Variants in DDX27 observed in about 807,000 individuals in gnomAD.
DDX27 encodes probable ATP-dependent RNA helicase DDX27.
Under a neutral mutation model 99.3 loss-of-function variants are expected in DDX27, and 42 were observed. The ratio of observed to expected loss-of-function variants is 0.42; its 90% CI spans 0.33 to 0.55. The LOEUF is 0.55. DDX27 is among the 20% of genes least tolerant of loss of function. DDX27 has a pLI of 0.07. For synonymous variants in DDX27, 329 were observed against 353.8 expected, an observed-to-expected ratio of 0.93 and a Z score of 0.79; for missense variants, 798 against 976.8, an observed-to-expected ratio of 0.82 and a Z score of 2.44.
chr20:49,239,178 G>T, intron 15 of DDX27, 58 bp from the exon 16 acceptor site: 1 of 1,570,836 alleles, frequency 6.4e-7, no homozygotes, highest in Non-Finnish European at 8.8e-7. Flanking sequence ...GCAGCCCGTG[G>T]CTTCCTGTGT....
chr20:49,221,295 G>A (rs1979672110), intron 1 of DDX27, among the ~76,000 whole-genome samples, 157 bp from the exon 2 acceptor site: 1 of 152,052 alleles, frequency 6.6e-6, no homozygotes. Flanking sequence ...GTTTCATCAT[G>A]TTGGTCAGGC....
chr20:49,225,285 C>A, intron 6 of DDX27, 86 bp downstream of exon 6: 2 of 1,142,512 alleles, frequency 1.8e-6, no homozygotes, highest in South Asian at 1.2e-5. Context: ...TGGCATCAAG[C>A]AATCCTCTTG....
rs947553975 is a variant in DDX27, at chr20:49,236,922, T to A, written c.1687+412T>A. Among the ~76,000 whole-genome samples, 2 of 152,190 alleles carry A rather than the reference T, an allele frequency of 1.3e-5. No individual in the cohort carries two copies. The highest frequency in any genetic ancestry group is 4.1e-4 in the South Asian group (2 of 4,834). ...CTCTTTAAAGTCTTTTTTTGTTTTGTTTTGTTCTTGAATTCCTAGGCTCAA... is the reference window on the plus strand; with the variant it reads ...CTCTTTAAAGTCTTTTTTTGTTTTGATTTGTTCTTGAATTCCTAGGCTCAA... On this transcript the variant is annotated intron_variant, in intron 14 of 20. Coordinates refer to ENST00000618172, the MANE Select transcript of DDX27 (RefSeq NM_017895.8). The surrounding 1 kb of genome is among the most constrained non-coding windows in gnomAD (Gnocchi z 4.1).
rs766714372 is a variant in DDX27, at chr20:49,241,966, C to CA, written c.1979dup (p.Glu662GlyfsTer11). 5.6e-6 allele frequency: 9 copies of CA among 1,604,892 alleles called. No individual in the cohort carries two copies. Among genetic ancestry groups the CA allele is most frequent in the African/African-American group, 1.4e-5 (1 of 74,064 alleles). On this transcript the variant is annotated frameshift_variant, in exon 17 of 21. Transcript: ENST00000618172. LOFTEE classifies it high-confidence loss of function. ...AAAGGAAGAAGTTTATGAAGGATGC[C>CA]AAAAAAAAGGGGGAGATGACAGTGA...
intron 7 of DDX27, among the ~76,000 whole-genome samples, chr20:49,228,415 C>T (rs1023316617): frequency 6.7e-6 from 1 of 149,436 alleles, no homozygotes; most frequent in African/African-American, 2.5e-5. Flanking sequence ...GGATTACAGG[C>T]TCCCGCCACC....
chr20:49,238,958 T>C lies in DDX27; in HGVS notation c.1697T>C (p.Leu566Pro). The C allele has an allele frequency of 6.2e-7, 1 of 1,613,724 alleles. No individual in the cohort carries two copies. The highest frequency in any genetic ancestry group is 1.7e-4 in the Middle Eastern group (1 of 6,060). ...ATTTTCTCCCATTGAGATGTCATCC[T>C]CAAATTCCGGGACAAGATTGAGAAA... Reference protein sequence around the residue: ...KARILPQDVILKFRDKIEKME... With the variant: ...KARILPQDVIPKFRDKIEKME... The change falls in exon 15 of 21, where the codon CTC (leucine) becomes CCC (proline). Residue 566 changes from leucine (L) to proline (P), a missense_variant. By Grantham distance (98) the Leu-to-Pro change is moderately conservative. This residue lies in a region of DDX27 where 553 missense variants were observed against 727.9 expected (regional missense o/e 0.76). Transcript: ENST00000618172.
intron 8 of DDX27, among the ~76,000 whole-genome samples, 164 bp downstream of exon 8, chr20:49,229,052 TGAGACG>T (rs1980004821): frequency 1.2e-5 from 1 of 85,690 alleles, no homozygotes; most frequent in Non-Finnish European, 2.5e-5. Context: ...TTTTTTTTTT[TGAGACG>T]GAGGAGTCTC....
At chr20:49,231,900 T>C (rs1381697984) in intron 9 of DDX27, among the ~76,000 whole-genome samples, 4 of 151,326 alleles carry the variant, frequency 2.6e-5, no homozygotes, top group African/African-American at 9.7e-5. Context: ...TTTTTTTTTT[T>C]TGAGTCAGGG....
intron 2 of DDX27, 22 bp downstream of exon 2, chr20:49,221,620 A>G: frequency 1.3e-6 from 2 of 1,562,994 alleles, no homozygotes; most frequent in Non-Finnish European, 1.7e-6. Flanking sequence ...AGTGATGGAC[A>G]GCTCCAGACT....
rs369210045 is a variant in DDX27, at chr20:49,242,688, T to C, written c.2204+7T>C. 182 of 1,610,188 alleles carry C rather than the reference T, an allele frequency of 1.1e-4. No individual in the cohort carries two copies. The African/African-American group carries it at 2.2e-3, about 20-fold the overall frequency. On this transcript the variant is annotated splice_region_variant and intron_variant, in intron 19 of 20. Transcript: ENST00000618172. ...TGAAACAGTATCGAGCTGGGTAGGA[T>C]TTTAAGTCATCATGGAGCCCTTGGT...
chr20:49,226,576 C>G (rs199510755), intron 7 of DDX27, 41 bp downstream of exon 7: 1 of 1,498,744 alleles, frequency 6.7e-7, no homozygotes, highest in Admixed American at 1.7e-5. Flanking sequence ...AAGGGTGTTA[C>G]GGCCAGGGCT....
chr20:49,233,808 G>A (rs147675656), intron 11 of DDX27, 99 bp downstream of exon 11: 86 of 1,384,734 alleles, frequency 6.2e-5, no homozygotes, highest in Non-Finnish European at 8.4e-5. Context: ...CGCCTCTGCC[G>A]TCCAGTCTTC....
In DDX27 at chr20:49,236,044, CTA is replaced by C. The variant is rs1228248495; in HGVS notation, c.1428-104_1428-103del. On this transcript the variant is annotated intron_variant, in intron 12 of 20. Transcript: ENST00000618172. The surrounding 1 kb of genome is among the most constrained non-coding windows in gnomAD (Gnocchi z 4.1). ...AGGCGTGAGCCACCGTGCCCAGCCT[CTA>C]TCCCCATTTTAATGCCCTGTTCTGT... The C allele has an allele frequency of 3.6e-6, 4 of 1,124,148 alleles. No individual in the cohort carries two copies. In the East Asian group the frequency reaches 7.4e-5, roughly 21 times the overall value. The allele number at this position is 1,124,148 out of a possible 1,614,324, so 69.6% of individuals were successfully genotyped here.
chr20:49,233,900 C>T (rs994135323), intron 11 of DDX27, 191 bp downstream of exon 11: 18 of 596,770 alleles, frequency 3.0e-5, no homozygotes, highest in Non-Finnish European at 5.2e-5. Flanking sequence ...GCTTTATCGC[C>T]TCACCAATCC....
At position 49,236,166 on chromosome 20, in the gene DDX27, C is replaced by G. The variant is rs1980299181; in HGVS notation, c.1444C>G (p.Gln482Glu). 3.7e-6 allele frequency: 6 copies of G among 1,611,920 alleles called. No individual in the cohort carries two copies. In the African/African-American group the frequency reaches 8.0e-5, roughly 22 times the overall value. ...TGTTTCTAGGCGTTTTAAGGATGAACAGATTGACATCCTCGTGGCCACTGA... is the reference window on the plus strand; with the variant it reads ...TGTTTCTAGGCGTTTTAAGGATGAAGAGATTGACATCCTCGTGGCCACTGA... ...LEALRRFKDE[Q>E]IDILVATDVA... The change falls in exon 13 of 21, where the codon CAG becomes GAG. Residue 482 changes from glutamine (Q) to glutamate (E), a missense_variant. Gln to Glu is a conservative substitution (Grantham distance 29). This residue lies in a region of DDX27 where 553 missense variants were observed against 727.9 expected (regional missense o/e 0.76). Transcript: ENST00000618172. This position sits in a 1 kb window ranked among gnomAD's most constrained non-coding sequence, Gnocchi z 4.1.
chr20:49,221,854 C>CT (rs1372681450), intron 2 of DDX27, among the ~76,000 whole-genome samples: 1 of 137,136 alleles, frequency 7.3e-6, no homozygotes, highest in Non-Finnish European at 1.5e-5. Context: ...GGAGACTCCT[C>CT]TTTAATACCA....
In DDX27 at chr20:49,239,220, T is replaced by C. The variant is rs915626045; in HGVS notation, c.1795-16T>C. On this transcript the variant is annotated splice_polypyrimidine_tract_variant and intron_variant, in intron 15 of 20. Coordinates refer to ENST00000618172, the MANE Select transcript of DDX27 (RefSeq NM_017895.8). ...ATACGGGTTTCACGGCAGGCATCCT[T>C]TTGTTATCTCTACAGATCAATACAG... 6.2e-7 allele frequency: 1 copy of C among 1,613,020 alleles called. No homozygotes were observed. The highest frequency in any genetic ancestry group is 1.3e-5 in the African/African-American group (1 of 74,988).
chr20:49,233,324 T>C lies in DDX27; in HGVS notation c.1050T>C (p.Phe350=). 6.2e-7 allele frequency: 1 copy of C among 1,613,990 alleles called. No individual in the cohort carries two copies. The highest frequency in any genetic ancestry group is 8.5e-7 in the Non-Finnish European group (1 of 1,179,976). ...CTCCCAGGATGCTGGATGAGTACTT[T>C]GAGGAGCAGATGAAGGAGATCATCC... The part of the protein sequence containing the change: ...DEADRMLDEY[F]EEQMKEIIRM... The change falls in exon 10 of 21, where the codon TTT becomes TTC. Residue 350 remains phenylalanine, a synonymous_variant. Transcript: ENST00000618172.
At position 49,225,107 on chromosome 20, in the gene DDX27, G is replaced by A. The variant is rs746731576; in HGVS notation, c.514-6G>A. ...TTCTCTTCTCTCTTTTGGTTTTCTG[G>A]TGTAGGAAGCAGGAGGATTTTTTGA... On this transcript the variant is annotated splice_region_variant and splice_polypyrimidine_tract_variant and intron_variant, in intron 5 of 20. Transcript: ENST00000618172. 79 of 1,613,706 alleles carry A rather than the reference G, an allele frequency of 4.9e-5. No individual in the cohort carries two copies. Among genetic ancestry groups the A allele is most frequent in the Non-Finnish European group, 6.5e-5 (77 of 1,179,738 alleles).
Sources: gnomAD v4.1 joint callset for allele counts (sites outside exome capture counted in the v4.1 genomes callset) on GRCh38, gnomAD v4.1.1 for gene constraint, gnomAD v4.1.1 regional missense constraint, Gnocchi (gnomAD v3.1) non-coding constraint, MANE v1.5 for transcripts, NCBI Gene and HGNC (gene_info 2026-07-23, HGNC 2026-07-21) for gene names.